The following NXPE4 variants were observed in gnomAD, a reference collection of about 807,000 sequenced individuals.
The protein encoded by NXPE4 is neurexophilin and PC-esterase domain family member 4.
NXPE4 carries 42 observed loss-of-function variants against 33.3 expected under a neutral mutation model. The ratio of observed to expected loss-of-function variants is 1.26; its 90% CI spans 0.98 to 1.63. NXPE4 has a LOEUF of 1.63. Ranked by LOEUF, NXPE4 falls within the 40% of genes most tolerant of loss-of-function variation. NXPE4 has a pLI of 0.00. For synonymous variants in NXPE4, 253 were observed against 234.9 expected (o/e 1.08, Z -0.71); for missense variants, 709 against 647.6 (o/e 1.09, Z -1.03).
At chr11:114,579,775 T>C (rs1949093166) in intron 5 of NXPE4, among the ~76,000 whole-genome samples, 1 of 152,242 alleles carries the variant, frequency 6.6e-6, no homozygotes, top group South Asian at 2.1e-4. Context: ...GAACCCAGGT[T>C]GTCTGGTTCT....
chr11:114,660,784 T>C, the NXPE4 span, among the ~76,000 whole-genome samples: 10 of 152,214 alleles, frequency 6.6e-5, 1 homozygote, highest in South Asian at 2.1e-4. Flanking sequence ...GCATACCATT[T>C]GGATAAAGGA....
chr11:114,640,880 A>C, the NXPE4 span, among the ~76,000 whole-genome samples: 2 of 152,040 alleles, frequency 1.3e-5, no homozygotes, highest in African/African-American at 2.4e-5. Context: ...GTAGGTTACA[A>C]ATATTTTCTC....
chr11:114,618,955 C>T, the NXPE4 span, among the ~76,000 whole-genome samples: 1,480 of 152,118 alleles, frequency 9.7e-3, 30 homozygotes, highest in African/African-American at 0.033. Flanking sequence ...TAAGTAGTAC[C>T]GCATGGGTAA....
chr11:114,660,106 C>A, the NXPE4 span, among the ~76,000 whole-genome samples: 1 of 151,952 alleles, frequency 6.6e-6, no homozygotes, highest in African/African-American at 2.4e-5. Flanking sequence ...AAATAGATAA[C>A]CTGAAAATTC....
At chr11:114,639,997 A>G in the NXPE4 span, among the ~76,000 whole-genome samples, 1 of 119,100 alleles carries the variant, frequency 8.4e-6, no homozygotes, top group South Asian at 2.5e-4. Flanking sequence ...ATAATGTTAT[A>G]TAATGTAATA....
the NXPE4 span, among the ~76,000 whole-genome samples, chr11:114,622,520 T>C: frequency 8.9e-4 from 135 of 152,308 alleles, no homozygotes; most frequent in African/African-American, 3.2e-3. Context: ...TATTGCCTCA[T>C]GGGTAACCAC....
At chr11:114,627,421 G>A in the NXPE4 span, among the ~76,000 whole-genome samples, 2 of 151,644 alleles carry the variant, frequency 1.3e-5, no homozygotes, top group African/African-American at 4.8e-5. Flanking sequence ...GCCAAACTAA[G>A]CTTCATAAGT....
the NXPE4 span, among the ~76,000 whole-genome samples, chr11:114,611,639 G>A: frequency 2.0e-3 from 304 of 152,020 alleles, 1 homozygote; most frequent in African/African-American, 7.1e-3. Context: ...TACCTCGTGT[G>A]TAGCCACTGT....
chr11:114,616,670 G>A, the NXPE4 span, among the ~76,000 whole-genome samples: 15 of 151,556 alleles, frequency 9.9e-5, no homozygotes, highest in South Asian at 1.0e-3. Flanking sequence ...ACTGTTACCC[G>A]TTGGATAATA....
chr11:114,591,061 C>G (rs770342877), intron 2 of NXPE4, among the ~76,000 whole-genome samples: 1 of 152,132 alleles, frequency 6.6e-6, no homozygotes, highest in Non-Finnish European at 1.5e-5. Context: ...CAGGGAAACT[C>G]CCCTGGAAAA....
chr11:114,585,678 A>C (rs1949276463), intron 2 of NXPE4, among the ~76,000 whole-genome samples: 1 of 152,156 alleles, frequency 6.6e-6, no homozygotes, highest in African/African-American at 2.4e-5. Context: ...CAGGAACTAG[A>C]AAGAAATTAT....
At chr11:114,623,248 C>A in the NXPE4 span, among the ~76,000 whole-genome samples, 1 of 151,798 alleles carries the variant, frequency 6.6e-6, no homozygotes, top group Non-Finnish European at 1.5e-5. Context: ...CACTGTTTCC[C>A]GGTGGGTAAT....
chr11:114,623,378 G>A, the NXPE4 span, among the ~76,000 whole-genome samples: 1 of 152,082 alleles, frequency 6.6e-6, no homozygotes, highest in Admixed American at 6.5e-5. Context: ...TTTAAACGTG[G>A]GATAATAAGT....
At chr11:114,668,637 G>A in the NXPE4 span, among the ~76,000 whole-genome samples, 1 of 151,976 alleles carries the variant, frequency 6.6e-6, no homozygotes, top group Admixed American at 6.6e-5. Flanking sequence ...AGAGCAAGTG[G>A]GGAAAAGGAA....
the NXPE4 span, among the ~76,000 whole-genome samples, chr11:114,613,398 G>A: frequency 6.6e-6 from 1 of 151,454 alleles, no homozygotes; most frequent in Non-Finnish European, 1.5e-5. Context: ...TGCCTCGTGG[G>A]TGGGTAAGCA....
the NXPE4 span, among the ~76,000 whole-genome samples, chr11:114,612,054 C>T: frequency 2.0e-3 from 298 of 152,020 alleles, 2 homozygotes; most frequent in African/African-American, 5.6e-3. Context: ...AGTGTTGCCT[C>T]GTGGGTAACC....
the NXPE4 span, among the ~76,000 whole-genome samples, chr11:114,617,519 C>T: frequency 1.5e-4 from 22 of 143,172 alleles, no homozygotes; most frequent in East Asian, 4.4e-4. Flanking sequence ...GTGGATAATA[C>T]GTGTTGCCTC....
chr11:114,663,773 T>G, the NXPE4 span, among the ~76,000 whole-genome samples: 1 of 151,792 alleles, frequency 6.6e-6, no homozygotes, highest in Non-Finnish European at 1.5e-5. Flanking sequence ...AAGTAAAAAA[T>G]AGCCAAAATT....
At chr11:114,603,428 C>T in the NXPE4 span, among the ~76,000 whole-genome samples, 2 of 151,360 alleles carry the variant, frequency 1.3e-5, no homozygotes, top group Admixed American at 6.6e-5. Context: ...TAAGTATTGC[C>T]TCGTCTCCTA....
Sources: gnomAD v4.1 joint callset for allele counts (sites outside exome capture counted in the v4.1 genomes callset) on GRCh38, gnomAD v4.1.1 for gene constraint, MANE v1.5 for transcripts, NCBI Gene and HGNC (gene_info 2026-07-23, HGNC 2026-07-21) for gene names.